The following CEP295NL variants were observed in gnomAD, a reference collection of about 807,000 sequenced individuals.
The protein encoded by CEP295NL is protein DDC8 homolog.
A neutral mutation model predicts 4.6 loss-of-function variants in CEP295NL; 3 were observed. The observed-to-expected ratio is 0.65, with a 90% CI of 0.30 to 1.69. The LOEUF (loss-of-function observed/expected upper bound fraction) is 1.69. Ranked by LOEUF, CEP295NL falls within the 40% of genes most tolerant of loss-of-function variation. The probability of loss-of-function intolerance (pLI) is 0.10; values close to 1 mark genes in which losing one functional copy is unlikely to be tolerated. For missense variants in CEP295NL, 719 were observed against 769.0 expected (o/e 0.93, Z 0.77); for synonymous variants, 295 against 312.2 (o/e 0.94, Z 0.58).
At position 78,891,320 on chromosome 17, in the gene CEP295NL, A is replaced by G. The variant is rs370021580; in HGVS notation, c.1184T>C (p.Met395Thr). The change falls in exon 3 of 3, where the codon ATG becomes ACG. Residue 395 changes from methionine to threonine, a missense_variant. Physicochemically the swap from Met to Thr is moderately conservative, Grantham distance 81. Transcript: ENST00000322630. This position sits in a 1 kb window ranked among gnomAD's most constrained non-coding sequence, Gnocchi z 4.5. ...GGCAGGCAGCATCTCTGGGTCTGCC[A>G]TTTTCTTCCCTCTTGGGGTCCCAGC... ...CGAGTPRGKK[M>T]ADPEMLPAGE... The G allele has an allele frequency of 3.2e-5, 49 of 1,550,080 alleles. 3 individuals are homozygous for G. The highest frequency in any genetic ancestry group is 1.5e-4 in the East Asian group (6 of 40,892).
At chr17:78,892,660 G>C in intron 2 of CEP295NL, 2 of 738,264 alleles carry the variant, frequency 2.7e-6, no homozygotes, top group East Asian at 2.8e-5. Flanking sequence ...AGAGCCTGTA[G>C]GGCAGCTGTT....
intron 2 of CEP295NL, chr17:78,899,646 A>G (rs1390700644): frequency 6.6e-6 from 1 of 152,230 alleles, no homozygotes; most frequent in Non-Finnish European, 1.5e-5. Flanking sequence ...GGAACGCTGC[A>G]CACCAGACAG....
At chr17:78,895,480 C>T (rs1280832454) in intron 2 of CEP295NL, among the ~76,000 whole-genome samples, 1 of 152,140 alleles carries the variant, frequency 6.6e-6, no homozygotes, top group East Asian at 1.9e-4. Flanking sequence ...ACAATAGCAA[C>T]TGTCAGTGAG....
intron 2 of CEP295NL, among the ~76,000 whole-genome samples, chr17:78,894,220 C>A (rs2069963370): frequency 6.6e-6 from 1 of 151,920 alleles, no homozygotes; most frequent in South Asian, 2.1e-4. Context: ...GACAGGGAAA[C>A]TGAGGCAGGC....
intron 2 of CEP295NL, 128 bp downstream of exon 2, chr17:78,901,656 CA>C: frequency 1.4e-6 from 1 of 708,324 alleles, no homozygotes; most frequent in Non-Finnish European, 2.6e-6. Context: ...CAAGCGACTT[CA>C]CTCTGGGTGC....
rs1054753209 is a variant in CEP295NL at position 78,896,624 on chromosome 17, C to T, written c.45-4165G>A. On this transcript the variant is annotated intron_variant, in intron 2 of 2. Coordinates refer to ENST00000322630, the MANE Select transcript of CEP295NL (RefSeq NM_001243540.2). The surrounding 1 kb of genome is among the most constrained non-coding windows in gnomAD (Gnocchi z 4.4). ...TTCTACTCCCCTGCTGCCCTCTGGT[C>T]CTGCCACCCCGAGCTGACAAGCCTG... Among the ~76,000 whole-genome samples the T allele has an allele frequency of 1.1e-4, 17 of 152,138 alleles. No individual in the cohort carries two copies. The highest frequency in any genetic ancestry group is 3.6e-4 in the African/African-American group (15 of 41,446).
chr17:78,891,727 A>G lies in CEP295NL; in HGVS notation c.777T>C (p.Ala259=). Residue 259 remains alanine, a synonymous_variant, in exon 3 of 3, where the codon GCT becomes GCC. Coordinates refer to ENST00000322630, the MANE Select transcript of CEP295NL (RefSeq NM_001243540.2). This position sits in a 1 kb window ranked among gnomAD's most constrained non-coding sequence, Gnocchi z 4.5. ...DLERSNPLVA[A]VGEIGLVEEK... is the part of the protein sequence containing the mutation. ...CCTCCACAAGCCCGATTTCTCCCAC[A>G]GCAGCCACGAGTGGGTTTGACCTTT... 6.4e-7 allele frequency: 1 copy of G among 1,551,118 alleles called. No individual in the cohort carries two copies. The highest frequency in any genetic ancestry group is 8.7e-7 in the Non-Finnish European group (1 of 1,147,110).
intron 2 of CEP295NL, 153 bp from the exon 3 acceptor site, chr17:78,892,612 T>G: frequency 8.5e-7 from 1 of 1,172,614 alleles, no homozygotes; most frequent in Non-Finnish European, 1.2e-6. Flanking sequence ...CAGGGCCCAC[T>G]CTCAGCCTCC....
chr17:78,892,810 C>T (rs2069922423), intron 2 of CEP295NL, among the ~76,000 whole-genome samples: 1 of 152,164 alleles, frequency 6.6e-6, no homozygotes, highest in Non-Finnish European at 1.5e-5. Context: ...CCCCACACTG[C>T]ACAGGAGGGC....
At chr17:78,893,908 C>T (rs893764885) in intron 2 of CEP295NL, among the ~76,000 whole-genome samples, 8 of 152,124 alleles carry the variant, frequency 5.3e-5, no homozygotes, top group African/African-American at 1.9e-4. Flanking sequence ...TAGCTGATGC[C>T]AGAAACAGCC....
chr17:78,893,116 C>G (rs369357677), intron 2 of CEP295NL, among the ~76,000 whole-genome samples: 2 of 143,138 alleles, frequency 1.4e-5, no homozygotes, highest in South Asian at 2.3e-4. Flanking sequence ...TGTGCACATG[C>G]ACATGTGTGT....
In CEP295NL at chr17:78,891,211, C is replaced by A. The variant is rs530687325; in HGVS notation, c.1293G>T (p.Gln431His). The A allele has an allele frequency of 2.1e-4, 328 of 1,550,554 alleles. No individual in the cohort carries two copies. Among genetic ancestry groups the A allele is most frequent in the Middle Eastern group, 5.0e-4 (3 of 6,014 alleles). Residue 431 changes from glutamine to histidine, a missense_variant, in exon 3 of 3, where the codon CAG becomes CAT. By Grantham distance (24) the Gln-to-His change is conservative (BLOSUM62 0). Transcript: ENST00000322630. This position sits in a 1 kb window ranked among gnomAD's most constrained non-coding sequence, Gnocchi z 4.5. ...TDLKTFMGKA[Q>H]NQKYQGTVKP... ...TGACCGTGCCCTGATATTTTTGGTTCTGGGCCTTGCCCATGAACGTTTTCA... is the reference window on the plus strand; with the variant it reads ...TGACCGTGCCCTGATATTTTTGGTTATGGGCCTTGCCCATGAACGTTTTCA...
At chr17:78,895,654 A>G (rs2069987754) in intron 2 of CEP295NL, among the ~76,000 whole-genome samples, 1 of 152,224 alleles carries the variant, frequency 6.6e-6, no homozygotes, top group South Asian at 2.1e-4. Flanking sequence ...AGAAGGCCTG[A>G]GTCCACAAAA....
Position 78,891,815 on chromosome 17 carries a change from G to A in CEP295NL, c.689C>T (p.Ser230Leu), listed in dbSNP as rs1290236710. The A allele has an allele frequency of 2.5e-5, 39 of 1,550,772 alleles. No individual in the cohort carries two copies. The highest frequency in any genetic ancestry group is 1.5e-4 in the East Asian group (6 of 40,940). The part of the protein sequence containing the change: ...PEKRKGRPEP[S>L]TKSGGGRCAI... ...ACAGCGGCCACCCCCAGACTTGGTCGAAGGTTCTGGCCTTCCCTTTCTCTT... is the reference window on the plus strand; with the variant it reads ...ACAGCGGCCACCCCCAGACTTGGTCAAAGGTTCTGGCCTTCCCTTTCTCTT... The change falls in exon 3 of 3, where the codon TCG becomes TTG. Residue 230 changes from serine to leucine, a missense_variant. Physicochemically the swap from Ser to Leu is moderately radical, Grantham distance 145. Transcript: ENST00000322630. This position sits in a 1 kb window ranked among gnomAD's most constrained non-coding sequence, Gnocchi z 4.5.
Position 78,891,278 on chromosome 17 carries a change from G to C in CEP295NL, c.1226C>G (p.Pro409Arg), listed in dbSNP as rs118160201. The C allele has an allele frequency of 1.6e-3, 2,454 of 1,550,536 alleles. 59 individuals carry two copies. The East Asian group carries it at 0.047, about 30-fold the overall frequency. Reference sequence around the variant, plus strand: ...TGCCTGCTGCGCCTCCTCCTCTGCTGGGCTCCTGGGTTCCCCGGCAGGCAG... The same window carrying C: ...TGCCTGCTGCGCCTCCTCCTCTGCTCGGCTCCTGGGTTCCCCGGCAGGCAG... ...EMLPAGEPRSPAEEEAQQAAS... is the reference protein window; with the variant it reads ...EMLPAGEPRSRAEEEAQQAAS... The change falls in exon 3 of 3, where the codon CCA (proline) becomes CGA (arginine). Residue 409 changes from proline (P) to arginine (R), a missense_variant. Transcript: ENST00000322630. The surrounding 1 kb of genome is among the most constrained non-coding windows in gnomAD (Gnocchi z 4.5).
Position 78,892,191 on chromosome 17 carries a change from A to T in CEP295NL, c.313T>A (p.Tyr105Asn). 2 of 1,550,980 alleles carry T rather than the reference A, an allele frequency of 1.3e-6. No individual in the cohort carries two copies. The highest frequency in any genetic ancestry group is 1.7e-6 in the Non-Finnish European group (2 of 1,147,104). The change falls in exon 3 of 3, where the codon TAC (tyrosine) becomes AAC (asparagine). Residue 105 changes from tyrosine (Y) to asparagine (N), a missense_variant. Transcript: ENST00000322630. ...RRADAKLWKN[Y>N]QLQRLAEELR... is the part of the protein sequence containing the mutation. ...TCCTCAGCCAAGCGCTGGAGCTGGT[A>T]GTTTTTCCACAGCTTGGCATCCGCT...
intron 1 of CEP295NL, among the ~76,000 whole-genome samples, chr17:78,902,251 G>C (rs1006210650): frequency 1.3e-5 from 2 of 152,240 alleles, no homozygotes; most frequent in Non-Finnish European, 2.9e-5. Flanking sequence ...GGGACTACAG[G>C]CGCACGCCAC....
intron 2 of CEP295NL, among the ~76,000 whole-genome samples, chr17:78,893,235 A>AGGGG (rs1568001043): frequency 2.3e-5 from 2 of 88,054 alleles, no homozygotes; most frequent in African/African-American, 4.6e-5. Context: ...GTGTGTGTGC[A>AGGGG]TGTGTGTGTA....
At chr17:78,901,575 G>C (rs2070093703) in intron 2 of CEP295NL, among the ~76,000 whole-genome samples, 1 of 152,142 alleles carries the variant, frequency 6.6e-6, no homozygotes, top group African/African-American at 2.4e-5. Flanking sequence ...GGTGGGGCAA[G>C]GGTGTTTGCA....
Sources: allele counts gnomAD v4.1 joint callset (sites outside exome capture counted in the v4.1 genomes callset), GRCh38; gene constraint gnomAD v4.1.1; non-coding constraint Gnocchi (gnomAD v3.1); transcripts MANE v1.5; gene names NCBI Gene and HGNC (gene_info 2026-07-23, HGNC 2026-07-21).